CBL: variants seen among roughly 807,000 people sequenced by gnomAD.
CBL encodes the protein Cbl proto-oncogene.
A neutral mutation model predicts 96.9 loss-of-function variants in CBL; 45 were observed. The ratio of observed to expected loss-of-function variants is 0.46; its 90% CI spans 0.37 to 0.60. CBL has a LOEUF of 0.60. Among genes scored for constraint, CBL ranks in the 20% least tolerant of loss-of-function variants. CBL has a pLI of 0.00. For missense variants in CBL, 1,024 were observed against 1,143.5 expected (o/e 0.90, Z 1.51); for synonymous variants, 420 against 426.8 (o/e 0.98, Z 0.20).
chr11:119,215,978 C>G (rs1188444566), intron 1 of CBL, among the ~76,000 whole-genome samples: 2 of 152,230 alleles, frequency 1.3e-5, no homozygotes, highest in Non-Finnish European at 2.9e-5. Flanking sequence ...GTGCTCCTTC[C>G]TGCAGCAGCT....
intron 2 of CBL, among the ~76,000 whole-genome samples, chr11:119,235,473 G>A (rs1218615960): frequency 1.3e-5 from 2 of 152,154 alleles, no homozygotes; most frequent in Admixed American, 6.6e-5. Context: ...AGTGGAAATG[G>A]ATCCTCATAA....
intron 2 of CBL, among the ~76,000 whole-genome samples, chr11:119,258,255 A>G (rs1320561774): frequency 1.3e-5 from 2 of 152,108 alleles, no homozygotes; most frequent in African/African-American, 2.4e-5. Context: ...AAAAAACAAA[A>G]AGACTTGAGA....
At chr11:119,294,976 T>C (rs192915876) in intron 12 of CBL, among the ~76,000 whole-genome samples, 37 of 152,372 alleles carry the variant, frequency 2.4e-4, no homozygotes, top group Non-Finnish European at 4.3e-4. Flanking sequence ...TTGCATGTTA[T>C]TACATATTCT....
intron 14 of CBL, among the ~76,000 whole-genome samples, 177 bp downstream of exon 14, chr11:119,297,658 A>G (rs572755132): frequency 2.6e-5 from 4 of 152,172 alleles, no homozygotes; most frequent in Non-Finnish European, 5.9e-5. Context: ...GGGTTTCACT[A>G]TGTTGGCCAG....
chr11:119,236,681 C>T (rs1225071796), intron 2 of CBL, among the ~76,000 whole-genome samples: 2 of 149,966 alleles, frequency 1.3e-5, no homozygotes, highest in African/African-American at 4.9e-5. Context: ...TTTTGAGTAA[C>T]CTCCAAACTA....
intron 2 of CBL, among the ~76,000 whole-genome samples, chr11:119,242,237 G>A (rs1398563814): frequency 3.3e-5 from 5 of 152,052 alleles, no homozygotes; most frequent in African/African-American, 1.2e-4. Context: ...ATCAGTGGAG[G>A]CCAAGAGTTT....
chr11:119,277,335 G>A (rs1949897875), intron 6 of CBL, among the ~76,000 whole-genome samples: 1 of 151,184 alleles, frequency 6.6e-6, no homozygotes. Flanking sequence ...GTGACCCATG[G>A]GCCACCTGTT....
In CBL at chr11:119,267,136, G is replaced by A. The variant is rs546098454; in HGVS notation, c.444-4599G>A. 5.3e-5 allele frequency among the ~76,000 whole-genome samples: 8 copies of A among 152,276 alleles called. No individual in the cohort carries two copies. The South Asian group carries it at 1.7e-3, about 32-fold the overall frequency. On this transcript the variant is annotated intron_variant, in intron 2 of 15. Transcript: ENST00000264033. The stretch of plus-strand genomic sequence containing the variant: ...AAAATGCTCTGACCCATGGACTTTT[G>A]TAAATTCATTATTTCCTTTTAAGAA...
chr11:119,283,658 G>T (rs1380846364), intron 9 of CBL, among the ~76,000 whole-genome samples: 5 of 33,068 alleles, frequency 1.5e-4, no homozygotes, highest in Non-Finnish European at 1.2e-4. Flanking sequence ...TTTTTTTTGA[G>T]ATGGAGTCTT....
At chr11:119,279,574 C>T (rs1031159427) in intron 9 of CBL, among the ~76,000 whole-genome samples, 6 of 151,928 alleles carry the variant, frequency 3.9e-5, no homozygotes, top group Non-Finnish European at 8.8e-5. Flanking sequence ...ATTGCTTGAT[C>T]CCAGGAATTC....
intron 9 of CBL, among the ~76,000 whole-genome samples, chr11:119,284,523 T>C (rs1949965181): frequency 2.0e-5 from 3 of 152,190 alleles, no homozygotes; most frequent in Non-Finnish European, 2.9e-5. Flanking sequence ...GGTCTCGAAC[T>C]CCTGCCTCCC....
In CBL at chr11:119,278,161, C is replaced by A. The variant is rs767315941; in HGVS notation, c.1096-5C>A. On this transcript the variant is annotated splice_polypyrimidine_tract_variant and splice_region_variant and intron_variant, in intron 7 of 15. Transcript: ENST00000264033. ...TAATAGTCTTTTAATTTTTTTTAAT[C>A]AAAGGAACAATATGAATTATACTGT... The A allele has an allele frequency of 6.3e-7, 1 of 1,587,718 alleles. No individual in the cohort carries two copies. Among genetic ancestry groups the A allele is most frequent in the South Asian group, 1.1e-5 (1 of 89,960 alleles).
At chr11:119,234,702 G>A (rs1490031612) in intron 2 of CBL, among the ~76,000 whole-genome samples, 1 of 152,328 alleles carries the variant, frequency 6.6e-6, no homozygotes, top group East Asian at 1.9e-4. Flanking sequence ...GAAGACTGAG[G>A]TGGGAGGATT....
chr11:119,252,884 G>GA lies in CBL; in HGVS notation c.444-18835dup, dbSNP rs760152540. Among the ~76,000 whole-genome samples the GA allele has an allele frequency of 7.2e-3, 496 of 68,506 alleles. 3 individuals carry two copies. Among genetic ancestry groups the GA allele is most frequent in the Middle Eastern group, 0.01 (1 of 100 alleles). The allele number at this position is 68,506 out of a possible 152,430, so 44.9% of individuals were successfully genotyped here. A position where few individuals can be genotyped will look rare whatever the true frequency, so the allele number is the denominator to read the frequency against. On this transcript the variant is annotated intron_variant, in intron 2 of 15. Transcript: ENST00000264033. ...CAGTAAAAGTGAAACTCCATCTCAA[G>GA]AAAAAAAAAAAAAAAAGATTAAAAA...
At chr11:119,284,851 T>G in intron 9 of CBL, 118 bp from the exon 10 acceptor site, 1 of 1,244,202 alleles carries the variant, frequency 8.0e-7, no homozygotes, top group Non-Finnish European at 1.2e-6. Flanking sequence ...CAAACCTAGG[T>G]CTGGCCCATT....
At chr11:119,272,467 G>A (rs898490916) in intron 3 of CBL, among the ~76,000 whole-genome samples, 2 of 152,182 alleles carry the variant, frequency 1.3e-5, no homozygotes, top group African/African-American at 4.8e-5. Context: ...TTTGCTATCA[G>A]CAGTGAGCAA....
Position 119,302,068 on chromosome 11 carries a change from T to C in CBL, c.*2287T>C, listed in dbSNP as rs117514188. 57 of 233,008 alleles carry C rather than the reference T, an allele frequency of 2.4e-4. No individual in the cohort carries two copies. Among genetic ancestry groups the C allele is most frequent in the Admixed American group, 1.1e-3 (20 of 17,788 alleles). 14.4% of individuals were successfully genotyped at this position (233,008 alleles called of 1,614,324 possible). ...GAGATTATCTCCCTACTGTGTAGGT[T>C]AAGGGCAGTCTCGACTTTTCCTTTT... On this transcript the variant is annotated 3_prime_UTR_variant, in exon 16 of 16. Transcript: ENST00000264033.
At chr11:119,237,101 C>T (rs1949552369) in intron 2 of CBL, among the ~76,000 whole-genome samples, 1 of 152,178 alleles carries the variant, frequency 6.6e-6, no homozygotes, top group Non-Finnish European at 1.5e-5. Flanking sequence ...ACCTATTAGT[C>T]ACCTAGTAGC....
rs75836116 is a variant in CBL, at chr11:119,297,805, A to G, written c.2251+324A>G. On this transcript the variant is annotated intron_variant, in intron 14 of 15. Coordinates refer to ENST00000264033, the MANE Select transcript of CBL (RefSeq NM_005188.4). The stretch of plus-strand genomic sequence containing the variant: ...GCAAAATATCTTTGACATGGGCAGT[A>G]AAGTATCCCCAATCCTTTATTTCCT... Among the ~76,000 whole-genome samples the G allele has an allele frequency of 8.0e-3, 1,217 of 152,340 alleles. 20 individuals are homozygous for G. The highest frequency in any genetic ancestry group is 0.028 in the African/African-American group (1,149 of 41,572).
Sources: allele counts gnomAD v4.1 joint callset (sites outside exome capture counted in the v4.1 genomes callset), GRCh38; gene constraint gnomAD v4.1.1; transcripts MANE v1.5; gene names NCBI Gene and HGNC (gene_info 2026-07-23, HGNC 2026-07-21).